The following DAB1 variants were observed in gnomAD, a reference collection of about 807,000 sequenced individuals.
The protein encoded by DAB1 is DAB adaptor protein 1.
A neutral mutation model predicts 64.6 loss-of-function variants in DAB1; 15 were observed. That is an observed-to-expected ratio of 0.23 (90% CI 0.16 to 0.36). DAB1 has a LOEUF of 0.36. DAB1 is among the 10% of genes least tolerant of loss of function. The pLI, the probability that DAB1 is intolerant of heterozygous loss-of-function variation, is 1.00. For synonymous variants in DAB1, 235 were observed against 251.9 expected (o/e 0.93, Z 0.64); for missense variants, 596 against 706.7 (o/e 0.84, Z 1.78).
intron 2 of DAB1, among the ~76,000 whole-genome samples, chr1:57,266,966 A>G (rs779370647): frequency 3.9e-5 from 6 of 152,140 alleles, no homozygotes; most frequent in Non-Finnish European, 7.4e-5. Context: ...CCCTTTAGAT[A>G]CTGTAGTGGG....
intron 4 of DAB1, among the ~76,000 whole-genome samples, chr1:58,209,065 T>C (rs1658422344): frequency 1.3e-5 from 2 of 152,112 alleles, no homozygotes; most frequent in African/African-American, 4.8e-5. Flanking sequence ...AGGAGATAAG[T>C]GAGGTGAGAC....
intron 2 of DAB1, among the ~76,000 whole-genome samples, chr1:57,172,998 C>A (rs1661939879): frequency 6.6e-6 from 1 of 152,234 alleles, no homozygotes; most frequent in South Asian, 2.1e-4. Flanking sequence ...TGCTTGGGTG[C>A]CTAGTCTACC....
At chr1:58,284,889 C>T (rs1005969979) in intron 4 of DAB1, among the ~76,000 whole-genome samples, 1 of 152,232 alleles carries the variant, frequency 6.6e-6, no homozygotes, top group Non-Finnish European at 1.5e-5. Flanking sequence ...TGCTTGAGGT[C>T]TAGCCTAACT....
chr1:58,506,320 G>A (rs1197962271), intron 2 of DAB1: 2 of 621,550 alleles, frequency 3.2e-6, no homozygotes, highest in Non-Finnish European at 5.5e-6. Flanking sequence ...AAGTTTTAGG[G>A]TACATGTGCA....
intron 7 of DAB1, among the ~76,000 whole-genome samples, chr1:57,533,899 G>T (rs1202586221): frequency 2.0e-5 from 3 of 151,974 alleles, no homozygotes; most frequent in Non-Finnish European, 2.9e-5. Context: ...AGGATTTGAG[G>T]AATATCAACA....
At chr1:57,555,655 A>G (rs545935588) in intron 7 of DAB1, among the ~76,000 whole-genome samples, 1 of 152,306 alleles carries the variant, frequency 6.6e-6, no homozygotes, top group East Asian at 1.9e-4. Flanking sequence ...CTCTTAAAAG[A>G]TGCTCACAGA....
At chr1:58,382,717 T>C (rs1389118257) in intron 3 of DAB1, among the ~76,000 whole-genome samples, 1 of 152,258 alleles carries the variant, frequency 6.6e-6, no homozygotes, top group Non-Finnish European at 1.5e-5. Context: ...AATTTGGTTA[T>C]TGCTCATTTG....
chr1:57,023,064 C>T (rs150318511), intron 11 of DAB1, among the ~76,000 whole-genome samples: 128 of 152,374 alleles, frequency 8.4e-4, no homozygotes, highest in African/African-American at 2.9e-3. Flanking sequence ...TTGCTCTTGT[C>T]CCATAGGGTG....
intron 7 of DAB1, among the ~76,000 whole-genome samples, chr1:57,437,514 A>G (rs116665773): frequency 0.039 from 5,937 of 152,346 alleles, 175 homozygotes; most frequent in Middle Eastern, 0.065. Flanking sequence ...AACTTAGAAA[A>G]TGGAAGAGAC....
intron 2 of DAB1, among the ~76,000 whole-genome samples, chr1:57,224,810 A>T (rs1667137116): frequency 6.6e-6 from 1 of 152,220 alleles, no homozygotes. Context: ...GAGCTTCAGG[A>T]TGGGAGCTGG....
At chr1:57,291,215 T>C (rs1672752095) in intron 1 of DAB1, 49 bp from the exon 2 acceptor site, 3 of 417,458 alleles carry the variant, frequency 7.2e-6, no homozygotes, top group South Asian at 8.1e-5. Context: ...GTTATGAAGT[T>C]AAACAGAAAT....
At chr1:58,199,251 G>A (rs1657867864) in intron 4 of DAB1, among the ~76,000 whole-genome samples, 1 of 152,178 alleles carries the variant, frequency 6.6e-6, no homozygotes, top group Non-Finnish European at 1.5e-5. Flanking sequence ...GTAAGGTCCT[G>A]GCTGGCTATT....
chr1:57,814,039 A>G (rs1329223686), intron 6 of DAB1, among the ~76,000 whole-genome samples: 2 of 152,212 alleles, frequency 1.3e-5, no homozygotes, highest in African/African-American at 4.8e-5. Context: ...TTCTCTTCTT[A>G]AGATAAACAG....
chr1:58,215,921 C>A (rs1658824781), intron 4 of DAB1, among the ~76,000 whole-genome samples: 1 of 152,190 alleles, frequency 6.6e-6, no homozygotes, highest in Admixed American at 6.5e-5. Flanking sequence ...TCACACCTTA[C>A]AGACCTTACT....
intron 2 of DAB1, among the ~76,000 whole-genome samples, chr1:57,152,357 C>A (rs1198669384): frequency 6.6e-6 from 1 of 152,192 alleles, no homozygotes; most frequent in Non-Finnish European, 1.5e-5. Flanking sequence ...TAATTGCCAA[C>A]AACTAATAGG....
At chr1:58,447,832 T>G (rs1645086600) in intron 3 of DAB1, among the ~76,000 whole-genome samples, 1 of 140,476 alleles carries the variant, frequency 7.1e-6, no homozygotes, top group Non-Finnish European at 1.5e-5. Context: ...GTGAGTAGCA[T>G]TAACTCAACT....
intron 5 of DAB1, among the ~76,000 whole-genome samples, chr1:57,907,392 C>T (rs369885477): frequency 6.6e-6 from 1 of 152,286 alleles, no homozygotes. Flanking sequence ...GGTCTCCTGA[C>T]CTGACTGTAA....
intron 4 of DAB1, among the ~76,000 whole-genome samples, chr1:58,342,393 A>G (rs1038036374): frequency 1.3e-5 from 2 of 152,202 alleles, no homozygotes; most frequent in African/African-American, 2.4e-5. Context: ...TTTACCATCA[A>G]TAGGCAATGC....
At chr1:57,495,300 CAAT>C (rs1644217339) in intron 7 of DAB1, among the ~76,000 whole-genome samples, 2 of 152,120 alleles carry the variant, frequency 1.3e-5, no homozygotes, top group Non-Finnish European at 2.9e-5. Context: ...AAAGTTATGA[CAAT>C]AATTTCTTGT....
Sources: gnomAD v4.1 joint callset for allele counts (sites outside exome capture counted in the v4.1 genomes callset) on GRCh38, gnomAD v4.1.1 for gene constraint, MANE v1.5 for transcripts, NCBI Gene and HGNC (gene_info 2026-07-23, HGNC 2026-07-21) for gene names.